ECT2: variants seen among roughly 807,000 people sequenced by gnomAD.
The protein encoded by ECT2 is protein ECT2.
Under a neutral mutation model 116.9 loss-of-function variants are expected in ECT2, and 61 were observed. The observed-to-expected ratio is 0.52, with a 90% CI of 0.42 to 0.65. The LOEUF is 0.65. Ranked by LOEUF, ECT2 falls within the 30% of genes least tolerant of loss-of-function variation. ECT2 has a pLI of 0.00. For synonymous variants in ECT2, 358 were observed against 346.4 expected, an observed-to-expected ratio of 1.03 and a Z score of -0.37; for missense variants, 937 against 1,078.7, an observed-to-expected ratio of 0.87 and a Z score of 1.84.
intron 22 of ECT2, among the ~76,000 whole-genome samples, chr3:172,812,237 C>G (rs1035492226): frequency 2.6e-5 from 4 of 152,176 alleles, no homozygotes; most frequent in Non-Finnish European, 5.9e-5. Flanking sequence ...ATCTGCCCCC[C>G]TGGGGGCCTA....
rs1468803988 is a variant in ECT2, at chr3:172,818,613, A to G, written c.2656-1535A>G. On this transcript the variant is annotated intron_variant, in intron 24 of 24. Transcript: ENST00000392692. ...CTAAGCATGTTTATGTTCAGCGCCTAAACTCTACTGGTGGGCGCTCTCAGT... is the reference window on the plus strand; with the variant it reads ...CTAAGCATGTTTATGTTCAGCGCCTGAACTCTACTGGTGGGCGCTCTCAGT... The G allele has an allele frequency of 3.1e-6, 4 of 1,288,882 alleles. No individual in the cohort carries two copies. In the East Asian group the frequency reaches 1.7e-4, roughly 54 times the overall value. The allele number at this position is 1,288,882 out of a possible 1,614,324, so 79.8% of individuals were successfully genotyped here. A position where few individuals can be genotyped will look rare whatever the true frequency, so the allele number is the denominator to read the frequency against.
In ECT2 at chr3:172,762,435, G is replaced by A. The variant is rs778140965; in HGVS notation, c.778G>A (p.Asp260Asn). 6.3e-7 allele frequency: 1 copy of A among 1,593,454 alleles called. No individual in the cohort carries two copies. Among genetic ancestry groups the A allele is most frequent in the Non-Finnish European group, 8.5e-7 (1 of 1,175,464 alleles). ...RNEQDFYAAV[D>N]DFRNEFKVPP... ...TTTTAGGGATTTCTATGCAGCAGTT[G>A]ATGACTTTAGAAATGAATTTAAAGT... Residue 260 changes from aspartate (D) to asparagine (N), a missense_variant, in exon 9 of 25, where the codon GAT becomes AAT. By Grantham distance (23) the Asp-to-Asn change is conservative. Transcript: ENST00000392692.
chr3:172,803,692 T>G (rs1193512150), intron 20 of ECT2, among the ~76,000 whole-genome samples: 1 of 152,206 alleles, frequency 6.6e-6, no homozygotes, highest in Non-Finnish European at 1.5e-5. Context: ...CATTTGACTT[T>G]TCTGTCACTG....
chr3:172,780,597 C>T (rs1722524842), intron 14 of ECT2, among the ~76,000 whole-genome samples: 1 of 152,142 alleles, frequency 6.6e-6, no homozygotes, highest in Non-Finnish European at 1.5e-5. Flanking sequence ...CCAGGCCGGC[C>T]TCAAACTCTG....
At chr3:172,818,433 AAATT>A (rs1260557946) in intron 24 of ECT2, 7 of 580,386 alleles carry the variant, frequency 1.2e-5, no homozygotes, top group East Asian at 1.4e-4. Context: ...AAATTTTAGA[AAATT>A]AATTTATTTA....
Position 172,773,941 on chromosome 3 carries a change from T to G in ECT2, c.1467T>G (p.Gly489=), listed in dbSNP as rs773355306. 6.2e-7 allele frequency: 1 copy of G among 1,613,474 alleles called. No homozygotes were observed. The highest frequency in any genetic ancestry group is 8.5e-7 in the Non-Finnish European group (1 of 1,179,418). Residue 489 remains glycine, a synonymous_variant, in exon 14 of 25, where the codon GGT becomes GGG. Coordinates refer to ENST00000392692, the MANE Select transcript of ECT2 (RefSeq NM_001258315.2). ...QVPLEEEGQR[G]GPILAPEEIK... is the part of the protein sequence containing the mutation. ...CATTGGAAGAGGAAGGACAACGTGG[T>G]GGACCTATCCTTGCACCAGAGGAGA...
chr3:172,766,978 C>G (rs1364118383), intron 12 of ECT2, among the ~76,000 whole-genome samples: 1 of 152,082 alleles, frequency 6.6e-6, no homozygotes, highest in African/African-American at 2.4e-5. Flanking sequence ...AAATAGATTC[C>G]CCAGTTTGTA....
At position 172,753,902 on chromosome 3, in the gene ECT2, T is replaced by C. The variant is rs146679813; in HGVS notation, c.-22-607T>C. On this transcript the variant is annotated intron_variant, in intron 1 of 24. Coordinates refer to ENST00000392692, the MANE Select transcript of ECT2 (RefSeq NM_001258315.2). ...GTTGTTAAGCAGGGAAGTGATATGG[T>C]CACATTTGTATTTAGGTGCATATTC... 2.0e-5 allele frequency among the ~76,000 whole-genome samples: 3 copies of C among 152,308 alleles called. No homozygotes were observed. In the East Asian group the frequency reaches 5.8e-4, roughly 29 times the overall value.
chr3:172,805,906 T>C (rs768269595), intron 21 of ECT2, 37 bp downstream of exon 21: 1 of 1,592,186 alleles, frequency 6.3e-7, no homozygotes, highest in East Asian at 2.2e-5. Flanking sequence ...TATATAAAAA[T>C]AGTTTATATT....
chr3:172,773,959 AGAG>A lies in ECT2; in HGVS notation c.1489_1491del (p.Glu497del), dbSNP rs1389234362. On this transcript the variant is annotated inframe_deletion, in exon 14 of 25. Coordinates refer to ENST00000392692, the MANE Select transcript of ECT2 (RefSeq NM_001258315.2). ...AACGTGGTGGACCTATCCTTGCACC[AGAG>A]GAGATTAAGACTATTTTTGGTAGCA... 6.2e-6 allele frequency: 10 copies of A among 1,613,184 alleles called. No individual in the cohort carries two copies. The highest frequency in any genetic ancestry group is 8.5e-6 in the Non-Finnish European group (10 of 1,179,270).
the ECT2 span, among the ~76,000 whole-genome samples, chr3:172,828,006 A>C: frequency 6.6e-6 from 1 of 152,244 alleles, no homozygotes; most frequent in Non-Finnish European, 1.5e-5. Context: ...GATTGCTTAG[A>C]TAGAAAATTA....
At chr3:172,814,878 G>A (rs1428788271) in intron 22 of ECT2, among the ~76,000 whole-genome samples, 1 of 152,112 alleles carries the variant, frequency 6.6e-6, no homozygotes, top group African/African-American at 2.4e-5. Flanking sequence ...AGTCACCACT[G>A]TGCAATAGAA....
intron 22 of ECT2, among the ~76,000 whole-genome samples, chr3:172,813,664 A>G (rs1729164861): frequency 6.6e-6 from 1 of 152,108 alleles, no homozygotes; most frequent in African/African-American, 2.4e-5. Context: ...GTTGTGCAAT[A>G]TCACCACCAT....
In ECT2 at chr3:172,771,832, A is replaced by G. The variant is rs182839254; in HGVS notation, c.1429-2071A>G. On this transcript the variant is annotated intron_variant, in intron 13 of 24. Coordinates refer to ENST00000392692, the MANE Select transcript of ECT2 (RefSeq NM_001258315.2). The stretch of plus-strand genomic sequence containing the variant: ...GAGGATAGATTTGAGAAATATTGGA[A>G]AAATAGAATCTTTCATTGTGGTTTC... Among the ~76,000 whole-genome samples the G allele has an allele frequency of 1.2e-4, 18 of 152,342 alleles. No homozygotes were observed. In the East Asian group the frequency reaches 3.1e-3, roughly 26 times the overall value.
chr3:172,801,064 G>A (rs1308621978), intron 18 of ECT2, among the ~76,000 whole-genome samples: 1 of 151,966 alleles, frequency 6.6e-6, no homozygotes, highest in African/African-American at 2.4e-5. Context: ...TAGAATTTAT[G>A]ACGTGAATAT....
chr3:172,806,798 G>T (rs1727835821), intron 21 of ECT2, among the ~76,000 whole-genome samples: 1 of 151,540 alleles, frequency 6.6e-6, no homozygotes. Context: ...GTGTTGTCAT[G>T]CCTGGCTAAT....
chr3:172,775,781 G>A (rs1576910853), intron 14 of ECT2, among the ~76,000 whole-genome samples: 1 of 151,884 alleles, frequency 6.6e-6, no homozygotes, highest in African/African-American at 2.4e-5. Flanking sequence ...CTACAGGCAT[G>A]CACCACCACG....
intron 24 of ECT2, among the ~76,000 whole-genome samples, chr3:172,817,051 A>C (rs1247676909): frequency 6.6e-6 from 1 of 152,074 alleles, no homozygotes; most frequent in Non-Finnish European, 1.5e-5. Context: ...AAGTCTTAAA[A>C]ATGTGGGGTG....
At chr3:172,817,795 G>A (rs1003137415) in intron 24 of ECT2, among the ~76,000 whole-genome samples, 12 of 152,014 alleles carry the variant, frequency 7.9e-5, no homozygotes, top group African/African-American at 2.9e-4. Context: ...GTGTCCTGTA[G>A]CAAGTTTCTT....
Sources: allele counts gnomAD v4.1 joint callset (sites outside exome capture counted in the v4.1 genomes callset), GRCh38; gene constraint gnomAD v4.1.1; transcripts MANE v1.5; gene names NCBI Gene and HGNC (gene_info 2026-07-23, HGNC 2026-07-21).